RNF182: variants seen among roughly 807,000 people sequenced by gnomAD.
The protein encoded by RNF182 is ring finger protein 182.
A neutral mutation model predicts 14.4 loss-of-function variants in RNF182; 15 were observed. That is an observed-to-expected ratio of 1.04 (90% CI 0.70 to 1.60). The LOEUF is 1.60. RNF182 is among the 40% of genes most tolerant of loss of function. The probability of loss-of-function intolerance (pLI) is 0.00; values close to 1 mark genes in which losing one functional copy is unlikely to be tolerated. For synonymous variants in RNF182, 128 were observed against 122.9 expected (o/e 1.04, Z -0.27); for missense variants, 268 against 294.8 (o/e 0.91, Z 0.67).
intron 1 of RNF182, among the ~76,000 whole-genome samples, chr6:13,959,516 G>A (rs1416093089): frequency 6.6e-6 from 1 of 152,330 alleles, no homozygotes; most frequent in East Asian, 1.9e-4. Flanking sequence ...AAGATTAGAA[G>A]CATGAAGATA....
intron 1 of RNF182, among the ~76,000 whole-genome samples, chr6:13,946,092 C>A (rs1585035736): frequency 6.6e-6 from 1 of 151,338 alleles, no homozygotes; most frequent in South Asian, 2.1e-4. Context: ...TATTGTTAAT[C>A]TTTGTGTAAC....
chr6:13,969,681 G>A (rs1182065514), intron 1 of RNF182, among the ~76,000 whole-genome samples: 3 of 152,100 alleles, frequency 2.0e-5, no homozygotes, highest in Non-Finnish European at 1.5e-5. Context: ...ATAATAAGTG[G>A]TTTATTATTT....
intron 1 of RNF182, among the ~76,000 whole-genome samples, chr6:13,962,702 C>T (rs747751115): frequency 3.3e-5 from 5 of 152,064 alleles, no homozygotes; most frequent in African/African-American, 1.2e-4. Flanking sequence ...ATTTATTTTC[C>T]AGGATGGGAG....
chr6:13,953,919 T>C (rs1350311120), intron 1 of RNF182, among the ~76,000 whole-genome samples: 1 of 152,174 alleles, frequency 6.6e-6, no homozygotes, highest in Non-Finnish European at 1.5e-5. Context: ...TGAATGAATA[T>C]ACATGGTGGA....
At chr6:13,933,359 T>C (rs989488657) in intron 1 of RNF182, among the ~76,000 whole-genome samples, 3 of 151,992 alleles carry the variant, frequency 2.0e-5, no homozygotes, top group Admixed American at 1.3e-4. Flanking sequence ...CTACAAAAAA[T>C]GCAAAAATTA....
intron 1 of RNF182, among the ~76,000 whole-genome samples, chr6:13,968,194 A>G (rs1425755136): frequency 4.0e-5 from 6 of 150,892 alleles, no homozygotes; most frequent in Admixed American, 2.6e-4. Flanking sequence ...TGATTAGGTA[A>G]TTAATAAGGA....
chr6:13,945,571 A>G (rs1050990162), intron 1 of RNF182, among the ~76,000 whole-genome samples: 1 of 152,172 alleles, frequency 6.6e-6, no homozygotes, highest in Non-Finnish European at 1.5e-5. Context: ...AACAACCAAC[A>G]TGGATAAACA....
At chr6:13,973,163 G>A (rs988159968) in intron 1 of RNF182, among the ~76,000 whole-genome samples, 2 of 152,174 alleles carry the variant, frequency 1.3e-5, no homozygotes, top group Non-Finnish European at 2.9e-5. Flanking sequence ...GGGGCCTGTA[G>A]CCCCTTTGTT....
intron 1 of RNF182, among the ~76,000 whole-genome samples, chr6:13,930,605 A>T (rs547253892): frequency 7.2e-5 from 11 of 152,220 alleles, no homozygotes; most frequent in South Asian, 2.1e-4. Context: ...ATGATTAAGC[A>T]TTTTAATTTC....
In RNF182 at chr6:13,977,755, G is replaced by A; in HGVS notation, c.636G>A (p.Gly212=). The change falls in exon 3 of 3, where the codon GGG becomes GGA. Residue 212 remains glycine (G), a synonymous_variant. Coordinates refer to ENST00000488300, the MANE Select transcript of RNF182 (RefSeq NM_152737.4). ...TGGTGTCTAAGAAAGTCACCCTTGG[G>A]GTCGTCTTTGTCAGCCTGGTCCCTT... ...YLLVSKKVTL[G]VVFVSLVPSS... The A allele has an allele frequency of 6.2e-7, 1 of 1,614,046 alleles. No individual in the cohort carries two copies. Among genetic ancestry groups the A allele is most frequent in the Non-Finnish European group, 8.5e-7 (1 of 1,180,018 alleles).
intron 1 of RNF182, among the ~76,000 whole-genome samples, chr6:13,944,788 C>T (rs561370505): frequency 1.3e-5 from 2 of 152,292 alleles, no homozygotes; most frequent in African/African-American, 4.8e-5. Context: ...ATAACATGTT[C>T]AGGGTCATAT....
chr6:13,971,540 A>G (rs186456976), intron 1 of RNF182, among the ~76,000 whole-genome samples: 1 of 152,208 alleles, frequency 6.6e-6, no homozygotes. Flanking sequence ...CGTGGGAGCA[A>G]CTTTGGAACT....
At chr6:13,956,524 C>T (rs1468621440) in intron 1 of RNF182, among the ~76,000 whole-genome samples, 2 of 152,070 alleles carry the variant, frequency 1.3e-5, no homozygotes, top group African/African-American at 2.4e-5. Flanking sequence ...GGGGTTTCAC[C>T]GTGTTGGCCA....
rs141467087 is a variant in RNF182 at position 13,935,421 on chromosome 6, T to C, written c.-367+10398T>C. Among the ~76,000 whole-genome samples the C allele has an allele frequency of 2.5e-3, 380 of 152,264 alleles. 10 individuals are homozygous for C. The East Asian group carries it at 0.049, about 20-fold the overall frequency. On this transcript the variant is annotated intron_variant, in intron 1 of 2. Coordinates refer to ENST00000488300, the MANE Select transcript of RNF182 (RefSeq NM_152737.4). The stretch of plus-strand genomic sequence containing the variant: ...TTCCATATTTCACACACACAAGATA[T>C]GTGTGTGTATCATGACCAAATAAAT...
intron 1 of RNF182, among the ~76,000 whole-genome samples, chr6:13,959,140 T>G (rs1759801091): frequency 6.6e-6 from 1 of 152,214 alleles, no homozygotes; most frequent in Non-Finnish European, 1.5e-5. Context: ...CCTCTTTTCT[T>G]TATAATTTAC....
intron 1 of RNF182, among the ~76,000 whole-genome samples, chr6:13,968,774 A>T (rs1760101722): frequency 6.6e-6 from 1 of 152,212 alleles, no homozygotes; most frequent in African/African-American, 2.4e-5. Flanking sequence ...GTATTTATAT[A>T]TGTAAATGTG....
At chr6:13,934,550 G>A (rs1246263736) in intron 1 of RNF182, among the ~76,000 whole-genome samples, 2 of 152,190 alleles carry the variant, frequency 1.3e-5, no homozygotes, top group Non-Finnish European at 2.9e-5. Flanking sequence ...TACAACAGTT[G>A]TAATAGTTCC....
At chr6:13,942,989 C>G (rs1759338928) in intron 1 of RNF182, among the ~76,000 whole-genome samples, 1 of 152,138 alleles carries the variant, frequency 6.6e-6, no homozygotes, top group South Asian at 2.1e-4. Context: ...GTTCTGCAAC[C>G]AGAGAAAGAA....
chr6:13,929,140 C>T (rs1256456900), intron 1 of RNF182, among the ~76,000 whole-genome samples: 4 of 152,014 alleles, frequency 2.6e-5, no homozygotes, highest in African/African-American at 9.7e-5. Context: ...CATTGTAAAC[C>T]ACAAATTAAG....
Sources: allele counts gnomAD v4.1 joint callset (sites outside exome capture counted in the v4.1 genomes callset), GRCh38; gene constraint gnomAD v4.1.1; transcripts MANE v1.5; gene names NCBI Gene and HGNC (gene_info 2026-07-23, HGNC 2026-07-21).